Variants in LRBA observed in about 807,000 individuals in gnomAD.
LRBA encodes lipopolysaccharide-responsive and beige-like anchor protein.
Under a neutral mutation model 330.0 loss-of-function variants are expected in LRBA, and 176 were observed. That is an observed-to-expected ratio of 0.53 (90% CI 0.47 to 0.60). The LOEUF (loss-of-function observed/expected upper bound fraction) is 0.60. Among genes scored for constraint, LRBA ranks in the 20% least tolerant of loss-of-function variants. The pLI is 0.00. For synonymous variants in LRBA, 1,230 were observed against 1,193.0 expected, an observed-to-expected ratio of 1.03 and a Z score of -0.64; for missense variants, 3,259 against 3,444.8, an observed-to-expected ratio of 0.95 and a Z score of 1.35.
chr4:150,847,761 A>C (rs757732628), intron 26 of LRBA, among the ~76,000 whole-genome samples: 1 of 152,204 alleles, frequency 6.6e-6, no homozygotes, highest in Non-Finnish European at 1.5e-5. Flanking sequence ...GCTTCACCTA[A>C]GAAGTCCAGT....
At chr4:150,878,709 AC>A (rs2127035300) in intron 17 of LRBA, among the ~76,000 whole-genome samples, 1 of 152,192 alleles carries the variant, frequency 6.6e-6, no homozygotes, top group Non-Finnish European at 1.5e-5. Context: ...AATTATGAAC[AC>A]CTCTATGCAC....
chr4:150,889,744 C>G (rs925302187), intron 17 of LRBA, among the ~76,000 whole-genome samples: 14 of 152,130 alleles, frequency 9.2e-5, no homozygotes, highest in African/African-American at 3.1e-4. Context: ...CTGGGGACCT[C>G]TGTTTTAGAA....
intron 37 of LRBA, among the ~76,000 whole-genome samples, chr4:150,659,753 C>G (rs1432175737): frequency 7.5e-5 from 1 of 13,270 alleles, no homozygotes; most frequent in African/African-American, 1.1e-4. Context: ...CCCGGCCAGC[C>G]GCCCCGTCCG....
intron 48 of LRBA, among the ~76,000 whole-genome samples, chr4:150,346,664 C>A (rs1311572305): frequency 7.1e-6 from 1 of 141,246 alleles, no homozygotes; most frequent in Non-Finnish European, 1.5e-5. Flanking sequence ...GAGACTGAGG[C>A]AGGAAAATCA....
chr4:150,803,083 TAC>T lies in LRBA; in HGVS notation c.5518+3186_5518+3187del, dbSNP rs1553964882. 2.7e-3 allele frequency among the ~76,000 whole-genome samples: 343 copies of T among 128,478 alleles called. 3 individuals are homozygous for T. Among genetic ancestry groups the T allele is most frequent in the African/African-American group, 5.8e-3 (193 of 33,054 alleles). The allele number at this position is 128,478 out of a possible 152,430, so 84.3% of individuals were successfully genotyped here. ...AAAACAAACAAAAAAAAAATATATA[TAC>T]ACACACACACACACACACACACACA... is the stretch of plus-strand genomic sequence containing the variant. On this transcript the variant is annotated intron_variant, in intron 33 of 56. Coordinates refer to ENST00000651943, the MANE Select transcript of LRBA (RefSeq NM_001364905.1).
chr4:150,622,420 C>T (rs1384298077), intron 37 of LRBA, among the ~76,000 whole-genome samples: 1 of 152,162 alleles, frequency 6.6e-6, no homozygotes, highest in Non-Finnish European at 1.5e-5. Context: ...TTCTTGTAGT[C>T]CCAGTTACTT....
At chr4:150,675,593 CTG>C (rs1782457383) in intron 37 of LRBA, among the ~76,000 whole-genome samples, 1 of 152,072 alleles carries the variant, frequency 6.6e-6, no homozygotes, top group Non-Finnish European at 1.5e-5. Context: ...TGGCACGTGC[CTG>C]TAGTCCCAGC....
chr4:150,824,925 T>C (rs1341390103), intron 30 of LRBA, among the ~76,000 whole-genome samples: 3 of 151,760 alleles, frequency 2.0e-5, no homozygotes, highest in Non-Finnish European at 4.4e-5. Flanking sequence ...CAGGCACACA[T>C]CACCATGCCC....
chr4:150,666,735 A>AT (rs1781595310), intron 37 of LRBA, among the ~76,000 whole-genome samples: 1 of 152,170 alleles, frequency 6.6e-6, no homozygotes, highest in Non-Finnish European at 1.5e-5. Flanking sequence ...ATACTAAGGG[A>AT]TTACATGTCA....
At chr4:150,743,686 C>T (rs1732316319) in intron 35 of LRBA, among the ~76,000 whole-genome samples, 1 of 152,146 alleles carries the variant, frequency 6.6e-6, no homozygotes, top group Admixed American at 6.5e-5. Context: ...ACTCACCATA[C>T]TACACTGAGT....
At chr4:150,613,818 T>G (rs1775503325) in intron 37 of LRBA, among the ~76,000 whole-genome samples, 1 of 152,250 alleles carries the variant, frequency 6.6e-6, no homozygotes, top group Admixed American at 6.5e-5. Flanking sequence ...GAATTGATTC[T>G]TGGGTCTGTA....
At chr4:150,943,184 T>C (rs1264810935) in intron 2 of LRBA, among the ~76,000 whole-genome samples, 1 of 152,222 alleles carries the variant, frequency 6.6e-6, no homozygotes, top group East Asian at 1.9e-4. Context: ...TATGATAGAA[T>C]TACCAGAGCT....
At chr4:150,299,638 A>T (rs1729398158) in intron 53 of LRBA, among the ~76,000 whole-genome samples, 1 of 152,006 alleles carries the variant, frequency 6.6e-6, no homozygotes. Flanking sequence ...ATATAACATC[A>T]ATATTAGATA....
intron 34 of LRBA, among the ~76,000 whole-genome samples, chr4:150,784,301 G>A (rs929627528): frequency 2.0e-5 from 3 of 152,304 alleles, no homozygotes; most frequent in African/African-American, 7.2e-5. Flanking sequence ...TTTTAAAGCT[G>A]CTTCAGAAAC....
intron 26 of LRBA, among the ~76,000 whole-genome samples, chr4:150,845,656 G>A (rs1185701781): frequency 2.6e-5 from 4 of 152,112 alleles, no homozygotes; most frequent in Non-Finnish European, 5.9e-5. Context: ...CTATCACATG[G>A]CTAGCAGGCA....
intron 47 of LRBA, among the ~76,000 whole-genome samples, chr4:150,371,181 A>ATTTTTTTTTTTTTT (rs1274384749): frequency 3.7e-5 from 5 of 136,752 alleles, no homozygotes; most frequent in African/African-American, 1.6e-4. Context: ...CAAGCTACTA[A>ATTTTTTTTTTTTTT]ATTTTTTTTT....
chr4:150,368,292 T>G (rs1739778233), intron 47 of LRBA, among the ~76,000 whole-genome samples: 1 of 152,122 alleles, frequency 6.6e-6, no homozygotes, highest in African/African-American at 2.4e-5. Context: ...AACACAAGAT[T>G]TAAAAACTCA....
intron 22 of LRBA, among the ~76,000 whole-genome samples, chr4:150,853,676 A>C (rs916988266): frequency 5.3e-5 from 8 of 152,136 alleles, no homozygotes; most frequent in Admixed American, 6.5e-5. Context: ...TGAAAAAGTA[A>C]ATTTTTTTTT....
chr4:150,954,508 G>A (rs974370460), intron 2 of LRBA, among the ~76,000 whole-genome samples: 2 of 151,658 alleles, frequency 1.3e-5, no homozygotes, highest in African/African-American at 4.9e-5. Flanking sequence ...TGTCCACTAA[G>A]GGTTAAATGG....
Sources: gnomAD v4.1 joint callset for allele counts (sites outside exome capture counted in the v4.1 genomes callset) on GRCh38, gnomAD v4.1.1 for gene constraint, MANE v1.5 for transcripts, NCBI Gene and HGNC (gene_info 2026-07-23, HGNC 2026-07-21) for gene names.